Variants in LRRTM4 observed in about 807,000 individuals in gnomAD.
LRRTM4 encodes leucine rich repeat transmembrane neuronal 4.
Under a neutral mutation model 47.6 loss-of-function variants are expected in LRRTM4, and 25 were observed. That is an observed-to-expected ratio of 0.53 (90% confidence interval 0.38 to 0.73). LRRTM4 has a LOEUF of 0.73. Among genes scored for constraint, LRRTM4 ranks in the 30% least tolerant of loss-of-function variants. The probability of loss-of-function intolerance (pLI) is 0.00; values close to 1 mark genes in which losing one functional copy is unlikely to be tolerated. For missense variants in LRRTM4, 638 were observed against 713.4 expected, an observed-to-expected ratio of 0.89 and a Z score of 1.20; for synonymous variants, 311 against 269.5, an observed-to-expected ratio of 1.15 and a Z score of -1.51.
At chr2:77,436,381 T>G (rs1675601625) in intron 3 of LRRTM4, among the ~76,000 whole-genome samples, 1 of 152,054 alleles carries the variant, frequency 6.6e-6, no homozygotes, top group Admixed American at 6.6e-5. Context: ...ATGCTAAGGT[T>G]GTTTGATAAT....
At chr2:76,931,355 T>C (rs1315880290) in intron 3 of LRRTM4, among the ~76,000 whole-genome samples, 2 of 152,188 alleles carry the variant, frequency 1.3e-5, no homozygotes, top group African/African-American at 4.8e-5. Flanking sequence ...AATCACCTTC[T>C]ATAATAAAAT....
intron 3 of LRRTM4, among the ~76,000 whole-genome samples, chr2:77,470,416 A>C (rs746079529): frequency 2.0e-5 from 3 of 152,170 alleles, no homozygotes; most frequent in Non-Finnish European, 4.4e-5. Context: ...TGAAAGCATA[A>C]AATACTTTTG....
intron 3 of LRRTM4, among the ~76,000 whole-genome samples, chr2:77,041,091 T>C (rs1679017338): frequency 6.6e-6 from 1 of 151,492 alleles, no homozygotes; most frequent in African/African-American, 2.4e-5. Context: ...CCTTATACTT[T>C]CCAGCTTCTG....
chr2:76,981,927 T>G (rs1244294801), intron 3 of LRRTM4, among the ~76,000 whole-genome samples: 2 of 152,040 alleles, frequency 1.3e-5, no homozygotes, highest in East Asian at 3.9e-4. Flanking sequence ...GAGTCTCAGT[T>G]TCTGGAATTG....
At chr2:77,139,138 C>T (rs534467491) in intron 3 of LRRTM4, among the ~76,000 whole-genome samples, 26 of 152,208 alleles carry the variant, frequency 1.7e-4, no homozygotes, top group African/African-American at 5.3e-4. Context: ...CCAGCATCGT[C>T]CTGATACCAA....
chr2:77,336,910 A>C (rs1039466031), intron 3 of LRRTM4, among the ~76,000 whole-genome samples: 1 of 152,130 alleles, frequency 6.6e-6, no homozygotes, highest in Non-Finnish European at 1.5e-5. Flanking sequence ...CCAAATAAGA[A>C]AAGAAGAAGT....
intron 3 of LRRTM4, among the ~76,000 whole-genome samples, chr2:77,393,129 C>T (rs1673569218): frequency 6.6e-6 from 1 of 151,880 alleles, no homozygotes; most frequent in Non-Finnish European, 1.5e-5. Flanking sequence ...TCTTATCTTG[C>T]TATCCTAATA....
chr2:77,504,194 C>T (rs1678681000), intron 3 of LRRTM4, among the ~76,000 whole-genome samples: 1 of 151,498 alleles, frequency 6.6e-6, no homozygotes, highest in South Asian at 2.1e-4. Context: ...TGAGCTAAAT[C>T]CAGACTGCCA....
chr2:77,096,639 T>A (rs1670820035), intron 3 of LRRTM4, among the ~76,000 whole-genome samples: 1 of 151,598 alleles, frequency 6.6e-6, no homozygotes, highest in Non-Finnish European at 1.5e-5. Flanking sequence ...TTTTCTGAAT[T>A]GATTTGAGAA....
intron 3 of LRRTM4, among the ~76,000 whole-genome samples, chr2:76,754,023 C>T (rs1158919932): frequency 1.3e-5 from 2 of 152,016 alleles, no homozygotes; most frequent in African/African-American, 2.4e-5. Context: ...CAATTGAAGT[C>T]ATAAAAAGTT....
chr2:76,915,670 A>G (rs752479577), intron 3 of LRRTM4, among the ~76,000 whole-genome samples: 98 of 152,276 alleles, frequency 6.4e-4, no homozygotes, highest in Non-Finnish European at 9.7e-4. Flanking sequence ...TATCTTCACC[A>G]TCTCAAATTT....
At chr2:77,350,407 A>C (rs1475307554) in intron 3 of LRRTM4, among the ~76,000 whole-genome samples, 1 of 150,864 alleles carries the variant, frequency 6.6e-6, no homozygotes, top group Non-Finnish European at 1.5e-5. Context: ...TTTAGAAAAA[A>C]TTGATAAAAA....
intron 3 of LRRTM4, among the ~76,000 whole-genome samples, chr2:77,200,919 C>G (rs1461972187): frequency 6.6e-6 from 1 of 152,134 alleles, no homozygotes; most frequent in Non-Finnish European, 1.5e-5. Context: ...GCCACAACTG[C>G]CTACTCATGC....
intron 3 of LRRTM4, among the ~76,000 whole-genome samples, chr2:77,428,491 A>G (rs919315794): frequency 2.6e-5 from 4 of 152,188 alleles, no homozygotes; most frequent in African/African-American, 9.7e-5. Flanking sequence ...GCCCTGTTCC[A>G]TAATTTTATA....
intron 3 of LRRTM4, among the ~76,000 whole-genome samples, chr2:77,305,202 T>A (rs2104175636): frequency 1.3e-5 from 2 of 152,148 alleles, no homozygotes; most frequent in African/African-American, 4.8e-5. Context: ...CACCAAAACA[T>A]CAATTATCTA....
chr2:77,005,064 G>T (rs1176866410), intron 3 of LRRTM4, among the ~76,000 whole-genome samples: 1 of 152,048 alleles, frequency 6.6e-6, no homozygotes, highest in South Asian at 2.1e-4. Context: ...CGTCTGCAAT[G>T]AGATTTTGGA....
At chr2:77,266,296 T>C (rs981035764) in intron 3 of LRRTM4, among the ~76,000 whole-genome samples, 1 of 152,090 alleles carries the variant, frequency 6.6e-6, no homozygotes, top group African/African-American at 2.4e-5. Flanking sequence ...GCTGATGAAG[T>C]AGGTAAAATT....
At chr2:77,496,022 A>T (rs577061913) in intron 3 of LRRTM4, among the ~76,000 whole-genome samples, 1 of 151,938 alleles carries the variant, frequency 6.6e-6, no homozygotes, top group Non-Finnish European at 1.5e-5. Flanking sequence ...CCCATTACTT[A>T]CATCTTCCTT....
intron 3 of LRRTM4, among the ~76,000 whole-genome samples, chr2:76,976,906 G>T (rs914154962): frequency 6.6e-6 from 1 of 151,696 alleles, no homozygotes; most frequent in African/African-American, 2.4e-5. Flanking sequence ...ACCCTAATTT[G>T]ATCATTAAAC....
Sources: gnomAD v4.1 joint callset for allele counts (sites outside exome capture counted in the v4.1 genomes callset) on GRCh38, gnomAD v4.1.1 for gene constraint, MANE v1.5 for transcripts, NCBI Gene and HGNC (gene_info 2026-07-23, HGNC 2026-07-21) for gene names.